Variants in PAN2 observed in about 807,000 individuals in gnomAD.
The protein encoded by PAN2 is PAN2-PAN3 deadenylation complex catalytic subunit PAN2.
PAN2 carries 68 observed loss-of-function variants against 133.3 expected under a neutral mutation model. The ratio of observed to expected loss-of-function variants is 0.51; its 90% CI spans 0.42 to 0.62. PAN2 has a LOEUF of 0.62. Ranked by LOEUF, PAN2 falls within the 20% of genes least tolerant of loss-of-function variation. PAN2 has a pLI of 0.00. For synonymous variants in PAN2, 462 were observed against 544.6 expected (o/e 0.85, Z 2.11); for missense variants, 1,042 against 1,500.5 (o/e 0.69, Z 5.05).
In PAN2 at chr12:56,328,282, G is replaced by T; in HGVS notation, c.529C>A (p.His177Asn). Residue 177 changes from histidine (H) to asparagine (N), a missense_variant, in exon 4 of 26, where the codon CAC (histidine) becomes AAC (asparagine). His to Asn is a moderately conservative substitution (Grantham distance 68). Around this residue, in one of 3 missense-constraint regions of PAN2, gnomAD observed 908 missense variants for 1,223.5 expected, o/e 0.74. Coordinates refer to ENST00000440411, the MANE Select transcript of PAN2 (RefSeq NM_014871.6). ...GTGTTAAGATCAATCTCTATTATGT[G>T]ATTCTGCAGCCCACCAACGAGTAGA... Reference protein sequence around the residue: ...STLLVGGLQNHIIEIDLNTVQ... With the variant: ...STLLVGGLQNNIIEIDLNTVQ... 6.2e-7 allele frequency: 1 copy of T among 1,608,510 alleles called. No individual in the cohort carries two copies. Among genetic ancestry groups the T allele is most frequent in the Non-Finnish European group, 8.5e-7 (1 of 1,177,014 alleles).
intron 2 of PAN2, among the ~76,000 whole-genome samples, chr12:56,331,459 T>C (rs1216187729): frequency 1.3e-5 from 2 of 152,222 alleles, no homozygotes; most frequent in African/African-American, 4.8e-5. Context: ...CAGCATCCAG[T>C]ACAGATTTTC....
Position 56,317,528 on chromosome 12 carries a change from A to G in PAN2, c.*81T>C. 3.3e-6 allele frequency: 4 copies of G among 1,222,528 alleles called. No homozygotes were observed. Among genetic ancestry groups the G allele is most frequent in the Admixed American group, 1.7e-5 (1 of 57,398 alleles). The allele number at this position is 1,222,528 out of a possible 1,614,324, so 75.7% of individuals were successfully genotyped here. ...CCAGTACTGGAAGTGGACAAGGTAT[A>G]GCCAACTTAGGAAGCCATCTCCCAG... is the stretch of plus-strand genomic sequence containing the variant. On this transcript the variant is annotated 3_prime_UTR_variant, in exon 26 of 26. Coordinates refer to ENST00000440411, the MANE Select transcript of PAN2 (RefSeq NM_014871.6).
At chr12:56,326,558 C>T (rs1481901496) in intron 7 of PAN2, 59 bp downstream of exon 7, 3 of 1,533,454 alleles carry the variant, frequency 2.0e-6, no homozygotes, top group Non-Finnish European at 2.6e-6. Context: ...GCAGAGAATT[C>T]TGGTATCTTG....
At chr12:56,321,960 T>C (rs900841589) in intron 20 of PAN2, 118 bp downstream of exon 20, 22 of 591,334 alleles carry the variant, frequency 3.7e-5, no homozygotes, top group Non-Finnish European at 5.2e-5. Context: ...CTCTTTAGTA[T>C]CTCCAGAAAT....
intron 24 of PAN2, 93 bp from the exon 25 acceptor site, chr12:56,318,527 G>A (rs1177719302): frequency 1.1e-6 from 1 of 911,542 alleles, no homozygotes; most frequent in Non-Finnish European, 1.7e-6. Flanking sequence ...AAACTAAAAA[G>A]CCTGACTGCC....
At chr12:56,320,559 G>A (rs563465248) in intron 20 of PAN2, among the ~76,000 whole-genome samples, 218 of 152,058 alleles carry the variant, frequency 1.4e-3, no homozygotes, top group Admixed American at 4.9e-3. Flanking sequence ...CAGGGGAATC[G>A]CTTGAACCCG....
intron 6 of PAN2, 90 bp from the exon 7 acceptor site, chr12:56,327,049 G>T: frequency 9.0e-7 from 1 of 1,110,610 alleles, no homozygotes; most frequent in Non-Finnish European, 1.3e-6. Flanking sequence ...CTGATTTCAG[G>T]ACAAGATGGG....
chr12:56,321,945 G>C (rs1490176230), intron 20 of PAN2, 133 bp downstream of exon 20: 1 of 561,422 alleles, frequency 1.8e-6, no homozygotes, highest in Non-Finnish European at 3.2e-6. Flanking sequence ...CTGATGAGCA[G>C]GAATCTCTTT....
chr12:56,322,754 C>T lies in PAN2; in HGVS notation c.2498G>A (p.Gly833Asp), dbSNP rs1271526369. 1 of 1,612,186 alleles carries T rather than the reference C, an allele frequency of 6.2e-7. No homozygotes were observed. Among genetic ancestry groups the T allele is most frequent in the Admixed American group, 1.7e-5 (1 of 59,938 alleles). ...NWTDGDEMQW[G>D]PARAEEEHGV... The stretch of plus-strand genomic sequence containing the variant: ...ATGCTCCTCCTCTGCCCTGGCTGGG[C>T]CCCACTGTGAGGGGGGTACCCAGGC... The change falls in exon 18 of 26, where the codon GGC becomes GAC. Residue 833 changes from glycine to aspartate, a missense_variant. Physicochemically the swap from Gly to Asp is moderately conservative, Grantham distance 94. Around this residue, in one of 3 missense-constraint regions of PAN2, gnomAD observed 908 missense variants for 1,223.5 expected, o/e 0.74. Transcript: ENST00000440411.
chr12:56,322,386 G>T, intron 19 of PAN2, 37 bp downstream of exon 19: 1 of 1,533,726 alleles, frequency 6.5e-7, no homozygotes, highest in South Asian at 1.1e-5. Context: ...TAGGAAAAGG[G>T]GAAATGAAAG....
intron 2 of PAN2, among the ~76,000 whole-genome samples, chr12:56,331,489 T>C (rs1186161837): frequency 6.6e-6 from 1 of 152,300 alleles, no homozygotes; most frequent in Non-Finnish European, 1.5e-5. Flanking sequence ...CTTAGTACCA[T>C]GAAATTATCT....
At position 56,326,378 on chromosome 12, in the gene PAN2, G is replaced by A. The variant is rs373301380; in HGVS notation, c.1294C>T (p.Arg432Cys). ...ATGAAGCCCACCTTCTTCATGGTGC[G>A]CAGAATCTCTGCATCCACGGGTGGT... ...RAPPVDAEIL[R>C]TMKKVGFIGY... The change falls in exon 8 of 26, where the codon CGC (arginine) becomes TGC (cysteine). Residue 432 changes from arginine to cysteine, a missense_variant. Around this residue, in one of 3 missense-constraint regions of PAN2, gnomAD observed 908 missense variants for 1,223.5 expected, o/e 0.74. Transcript: ENST00000440411. 12 of 1,601,362 alleles carry A rather than the reference G, an allele frequency of 7.5e-6. No individual in the cohort carries two copies. Among genetic ancestry groups the A allele is most frequent in the African/African-American group, 2.7e-5 (2 of 74,786 alleles).
At position 56,326,412 on chromosome 12, in the gene PAN2, A is replaced by G; in HGVS notation, c.1263-3T>C. ...CTGCATCCACGGGTGGTGCTCGCCT[A>G]CAATCCAGCATAGTTCTAGGACTTA... On this transcript the variant is annotated splice_region_variant and splice_polypyrimidine_tract_variant and intron_variant, in intron 7 of 25. Transcript: ENST00000440411. The G allele has an allele frequency of 6.3e-7, 1 of 1,584,526 alleles. No individual in the cohort carries two copies. The highest frequency in any genetic ancestry group is 1.7e-5 in the Admixed American group (1 of 57,520).
chr12:56,332,891 C>T lies in PAN2; in HGVS notation c.204G>A (p.Val68=). 6.2e-7 allele frequency: 1 copy of T among 1,614,220 alleles called. No individual in the cohort carries two copies. The highest frequency in any genetic ancestry group is 2.2e-5 in the East Asian group (1 of 44,886). Reference sequence around the variant, plus strand: ...AAACAGGTACACCCACTTCAGCCACCACGCTGTGCAATTCAGAGTAGACAC... The same window carrying T: ...AAACAGGTACACCCACTTCAGCCACTACGCTGTGCAATTCAGAGTAGACAC... The part of the protein sequence containing the change: ...MEGVYSELHS[V]VAEVGVPVSV... Residue 68 remains valine (V), a synonymous_variant, in exon 2 of 26, where the codon GTG becomes GTA. Coordinates refer to ENST00000440411, the MANE Select transcript of PAN2 (RefSeq NM_014871.6).
At chr12:56,324,259 T>C (rs751706695) in intron 12 of PAN2, 35 bp downstream of exon 12, 2 of 1,611,870 alleles carry the variant, frequency 1.2e-6, no homozygotes, top group Non-Finnish European at 1.7e-6. Flanking sequence ...GGGCCTGTCA[T>C]GATGGCTTTA....
At chr12:56,328,828 T>G (rs552903216) in intron 2 of PAN2, among the ~76,000 whole-genome samples, 187 bp from the exon 3 acceptor site, 1 of 152,342 alleles carries the variant, frequency 6.6e-6, no homozygotes, top group African/African-American at 2.4e-5. Context: ...AATACTGTCT[T>G]ATGTTTGTTT....
rs1874045586 is a variant in PAN2 at position 56,317,552 on chromosome 12, A to G, written c.*57T>C. 1.3e-6 allele frequency: 2 copies of G among 1,509,904 alleles called. No homozygotes were observed. Among genetic ancestry groups the G allele is most frequent in the African/African-American group, 2.7e-5 (2 of 73,004 alleles). 93.5% of individuals were successfully genotyped at this position (1,509,904 alleles called of 1,614,324 possible). ...TAGCCAACTTAGGAAGCCATCTCCC[A>G]GTTCTGGGGCTATAGAACAGTAAAG... is the stretch of plus-strand genomic sequence containing the variant. On this transcript the variant is annotated 3_prime_UTR_variant, in exon 26 of 26. Transcript: ENST00000440411.
chr12:56,321,991 C>T, intron 20 of PAN2, 87 bp downstream of exon 20: 1 of 686,254 alleles, frequency 1.5e-6, no homozygotes, highest in Non-Finnish European at 2.6e-6. Context: ...GTTACCAATC[C>T]TAAGTACTTG....
At chr12:56,324,818 C>T (rs898338407) in intron 10 of PAN2, 109 bp from the exon 11 acceptor site, 10 of 1,445,042 alleles carry the variant, frequency 6.9e-6, no homozygotes, top group Non-Finnish European at 8.4e-6. Flanking sequence ...AGGAGTCCAC[C>T]GAAGCAGTGA....
Sources: allele counts gnomAD v4.1 joint callset (sites outside exome capture counted in the v4.1 genomes callset), GRCh38; gene constraint gnomAD v4.1.1; regional missense constraint gnomAD v4.1.1; transcripts MANE v1.5; gene names NCBI Gene and HGNC (gene_info 2026-07-23, HGNC 2026-07-21).